Variants in CAMTA1 observed in about 807,000 individuals in gnomAD.
The protein encoded by CAMTA1 is calmodulin-binding transcription activator 1.
In CAMTA1, 27 loss-of-function variants were observed where a neutral mutation model predicts 170.9. The ratio of observed to expected loss-of-function variants is 0.16; its 90% CI spans 0.12 to 0.22. The LOEUF is 0.22. Among genes scored for constraint, CAMTA1 ranks in the 10% least tolerant of loss-of-function variants. The pLI, the probability that CAMTA1 is intolerant of heterozygous loss-of-function variation, is 1.00. For synonymous variants in CAMTA1, 833 were observed against 891.5 expected, an observed-to-expected ratio of 0.93 and a Z score of 1.17; for missense variants, 1,619 against 2,217.2, an observed-to-expected ratio of 0.73 and a Z score of 5.42.
chr1:6,908,276 C>T (rs530230362), intron 3 of CAMTA1, among the ~76,000 whole-genome samples: 4 of 152,352 alleles, frequency 2.6e-5, no homozygotes, highest in Middle Eastern at 6.8e-3. Flanking sequence ...CCCTCACTCC[C>T]TTCACGCCTC....
chr1:7,250,183 C>T (rs189838065), intron 5 of CAMTA1, among the ~76,000 whole-genome samples: 53 of 152,304 alleles, frequency 3.5e-4, no homozygotes, highest in African/African-American at 1.1e-3. Flanking sequence ...GGGCCGACTT[C>T]GGGTTTTGGC....
At chr1:7,755,559 TGAAATAAAGC>T in intron 21 of CAMTA1, 69 bp from the exon 22 acceptor site, 1 of 1,104,942 alleles carries the variant, frequency 9.1e-7, no homozygotes, top group Non-Finnish European at 1.4e-6. Context: ...TCTTTTTTGT[TGAAATAAAGC>T]TATTTGTAAG....
chr1:7,128,732 G>T (rs540664881), intron 4 of CAMTA1, among the ~76,000 whole-genome samples: 51 of 151,088 alleles, frequency 3.4e-4, no homozygotes, highest in Non-Finnish European at 6.8e-4. Context: ...TCAGCTCACT[G>T]CAGTCTCTGC....
chr1:7,025,201 G>A (rs933671461), intron 3 of CAMTA1, among the ~76,000 whole-genome samples: 1 of 152,214 alleles, frequency 6.6e-6, no homozygotes, highest in Non-Finnish European at 1.5e-5. Flanking sequence ...AGCGTTTGGG[G>A]GAGGCTTCTG....
At chr1:6,820,292 C>T in intron 2 of CAMTA1, 42 bp downstream of exon 2, 2 of 1,610,112 alleles carry the variant, frequency 1.2e-6, no homozygotes, top group Non-Finnish European at 1.7e-6. Context: ...AAGGGGTGGG[C>T]TTGGCAGTGG....
At position 7,249,569 on chromosome 1, in the gene CAMTA1, G is replaced by A. The variant is rs1218771556; in HGVS notation, c.381G>A (p.Arg127=). ...YRKDGYCWKK[R]KDGKTTREDH... Reference sequence around the variant, plus strand: ...AAGATGGGTATTGCTGGAAAAAGAGGAAAGATGGGAAAACGACCAGAGAGG... The same window carrying A: ...AAGATGGGTATTGCTGGAAAAAGAGAAAAGATGGGAAAACGACCAGAGAGG... The change falls in exon 5 of 23, where the codon AGG becomes AGA. Residue 127 remains arginine, a synonymous_variant. Coordinates refer to ENST00000303635, the MANE Select transcript of CAMTA1 (RefSeq NM_015215.4). This position sits in a 1 kb window ranked among gnomAD's most constrained non-coding sequence, Gnocchi z 4.4. 2 of 1,614,122 alleles carry A rather than the reference G, an allele frequency of 1.2e-6. No homozygotes were observed. Among genetic ancestry groups the A allele is most frequent in the East Asian group, 2.2e-5 (1 of 44,870 alleles).
chr1:7,417,194 G>A lies in CAMTA1; in HGVS notation c.439-50636G>A, dbSNP rs551597646. ...GGTGTCAGTCTGCCCCTACTGGGGG[G>A]TGCCTCCCAGTTAGGCTGCTCAGGG... On this transcript the variant is annotated intron_variant, in intron 5 of 22. Transcript: ENST00000303635. Among the ~76,000 whole-genome samples the A allele has an allele frequency of 9.1e-3, 1,390 of 152,234 alleles. 8 individuals are homozygous for A. The highest frequency in any genetic ancestry group is 0.031 in the African/African-American group (1,307 of 41,566).
chr1:7,085,561 C>T (rs900246935), intron 3 of CAMTA1, among the ~76,000 whole-genome samples: 1 of 152,250 alleles, frequency 6.6e-6, no homozygotes, highest in Non-Finnish European at 1.5e-5. Context: ...GAGAACGTTC[C>T]AGAAGCTGCA....
At chr1:7,393,823 T>G (rs1049042373) in intron 5 of CAMTA1, among the ~76,000 whole-genome samples, 28 of 152,190 alleles carry the variant, frequency 1.8e-4, no homozygotes, top group African/African-American at 6.8e-4. Flanking sequence ...CTAACTGTAT[T>G]TTTATACTCA....
chr1:6,925,315 G>C (rs1339016042), intron 3 of CAMTA1, among the ~76,000 whole-genome samples: 1 of 152,222 alleles, frequency 6.6e-6, no homozygotes, highest in Non-Finnish European at 1.5e-5. Context: ...TGCCTCCCCT[G>C]CGCGTCATGG....
At chr1:7,763,651 C>T (rs1050921716) in intron 22 of CAMTA1, among the ~76,000 whole-genome samples, 4 of 152,168 alleles carry the variant, frequency 2.6e-5, no homozygotes, top group African/African-American at 4.8e-5. Context: ...GTATACCTCC[C>T]CTGACCAGCT....
chr1:7,279,322 T>C (rs1321118424), intron 5 of CAMTA1, among the ~76,000 whole-genome samples: 3 of 152,296 alleles, frequency 2.0e-5, no homozygotes, highest in East Asian at 3.9e-4. Flanking sequence ...ACTTATTGGT[T>C]AAAATAGGTG....
intron 3 of CAMTA1, among the ~76,000 whole-genome samples, chr1:7,017,057 C>A (rs996956215): frequency 6.6e-6 from 1 of 152,186 alleles, no homozygotes; most frequent in Admixed American, 6.5e-5. Flanking sequence ...TACACCCCAC[C>A]ACTGGGAGTC....
chr1:7,286,840 C>G lies in CAMTA1; in HGVS notation c.438+37214C>G, dbSNP rs904704862. On this transcript the variant is annotated intron_variant, in intron 5 of 22. Transcript: ENST00000303635. The surrounding 1 kb of genome is among the most constrained non-coding windows in gnomAD (Gnocchi z 4.2). ...CAAGTTATTTAACTTTCCTAAGCCT[C>G]AGTTTCCTCCTCTGAAAATGAGGAC... 2.6e-5 allele frequency among the ~76,000 whole-genome samples: 4 copies of G among 152,212 alleles called. No homozygotes were observed. Among genetic ancestry groups the G allele is most frequent in the Admixed American group, 1.3e-4 (2 of 15,286 alleles).
At chr1:7,480,984 C>T (rs1038459499) in intron 6 of CAMTA1, among the ~76,000 whole-genome samples, 8 of 152,190 alleles carry the variant, frequency 5.3e-5, no homozygotes, top group South Asian at 4.1e-4. Context: ...CTTAGAGCAT[C>T]GATGGCTCGC....
chr1:7,299,996 G>T lies in CAMTA1; in HGVS notation c.438+50370G>T, dbSNP rs1000293470. The stretch of plus-strand genomic sequence containing the variant: ...TGTGGTCTGATTCCTTTAAGATCCA[G>T]AACAACTGCTCCCTGTACCTTAAGT... On this transcript the variant is annotated intron_variant, in intron 5 of 22. Transcript: ENST00000303635. This position sits in a 1 kb window ranked among gnomAD's most constrained non-coding sequence, Gnocchi z 4.7. Among the ~76,000 whole-genome samples, 1 of 152,146 alleles carries T rather than the reference G, an allele frequency of 6.6e-6. No homozygotes were observed. Among genetic ancestry groups the T allele is most frequent in the Non-Finnish European group, 1.5e-5 (1 of 68,040 alleles).
rs183075109 is a variant in CAMTA1 at position 7,611,125 on chromosome 1, C to T, written c.511-29275C>T. On this transcript the variant is annotated intron_variant, in intron 6 of 22. Transcript: ENST00000303635. ...CTCCGGGACTGTGGAGAGGAAGGCG[C>T]GGGGCCATGCAGAAGAGAGCTGGGC... 4.2e-3 allele frequency among the ~76,000 whole-genome samples: 646 copies of T among 152,164 alleles called. 5 individuals are homozygous for T. Among genetic ancestry groups the T allele is most frequent in the African/African-American group, 0.015 (619 of 41,518 alleles).
At chr1:7,100,069 A>G (rs558036150) in intron 4 of CAMTA1, among the ~76,000 whole-genome samples, 1 of 152,036 alleles carries the variant, frequency 6.6e-6, no homozygotes, top group African/African-American at 2.4e-5. Context: ...TTCCCACCCC[A>G]TTCCTAACTT....
intron 4 of CAMTA1, among the ~76,000 whole-genome samples, chr1:7,238,251 C>A (rs1018814315): frequency 6.0e-5 from 9 of 151,204 alleles, no homozygotes; most frequent in Admixed American, 2.0e-4. Flanking sequence ...AGCTTGGGCA[C>A]AGAATGGCAA....
Sources: allele counts gnomAD v4.1 joint callset (sites outside exome capture counted in the v4.1 genomes callset), GRCh38; gene constraint gnomAD v4.1.1; non-coding constraint Gnocchi (gnomAD v3.1); transcripts MANE v1.5; gene names NCBI Gene and HGNC (gene_info 2026-07-23, HGNC 2026-07-21).